The following PLCH1 variants were observed in gnomAD, a reference collection of about 807,000 sequenced individuals.
PLCH1 encodes 1-phosphatidylinositol 4,5-bisphosphate phosphodiesterase eta-1.
In PLCH1, 60 loss-of-function variants were observed where a neutral mutation model predicts 126.7. The ratio of observed to expected loss-of-function variants is 0.47; its 90% CI spans 0.38 to 0.59. PLCH1 has a LOEUF of 0.59. Ranked by LOEUF, PLCH1 falls within the 20% of genes least tolerant of loss-of-function variation. The probability of loss-of-function intolerance (pLI) is 0.00; values close to 1 mark genes in which losing one functional copy is unlikely to be tolerated. For missense variants in PLCH1, 1,723 were observed against 2,040.0 expected, an observed-to-expected ratio of 0.84 and a Z score of 2.99; for synonymous variants, 719 against 734.9, an observed-to-expected ratio of 0.98 and a Z score of 0.35.
At chr3:155,475,114 C>G (rs1713481585), downstream of PLCH1, among the ~76,000 whole-genome samples, 3 of 150,010 alleles carry the variant, frequency 2.0e-5, no homozygotes, top group Non-Finnish European at 4.4e-5. Context: ...TAATATCAAG[C>G]ATCTTCTCTG....
Position 155,740,346 on chromosome 3 carries a change from G to A in PLCH1, c.-41+4494C>T, listed in dbSNP as rs1054228367. ...GAATCACTTGAACCCAGGAGGTAGA[G>A]GTTGCAGTGAGCCAAGATCTACTGC... is the stretch of plus-strand genomic sequence containing the variant. On this transcript the variant is annotated intron_variant, in intron 1 of 22. Transcript: ENST00000460012. Among the ~76,000 whole-genome samples the A allele has an allele frequency of 3.6e-4, 54 of 150,826 alleles. 1 individual carries two copies. Among genetic ancestry groups the A allele is most frequent in the African/African-American group, 1.3e-3 (54 of 40,894 alleles).
intron 2 of PLCH1, among the ~76,000 whole-genome samples, chr3:155,604,916 C>T (rs569752654): frequency 1.1e-4 from 16 of 152,320 alleles, no homozygotes; most frequent in Non-Finnish European, 8.8e-5. Flanking sequence ...ATTAGTGTGA[C>T]AAGTCTTAGA....
intron 2 of PLCH1, among the ~76,000 whole-genome samples, chr3:155,643,597 C>T (rs1328104800): frequency 6.6e-6 from 1 of 152,164 alleles, no homozygotes; most frequent in Non-Finnish European, 1.5e-5. Flanking sequence ...GCCTTGATAT[C>T]GTAACATAGT....
chr3:155,569,181 C>A (rs1305050118), intron 6 of PLCH1, among the ~76,000 whole-genome samples: 3 of 152,058 alleles, frequency 2.0e-5, no homozygotes, highest in African/African-American at 7.2e-5. Context: ...AATTAAACAG[C>A]AACATTAAGA....
intron 2 of PLCH1, among the ~76,000 whole-genome samples, chr3:155,626,139 C>A (rs181166851): frequency 1.3e-5 from 2 of 152,118 alleles, no homozygotes; most frequent in African/African-American, 4.8e-5. Context: ...GAAAACCAAA[C>A]ACTGCATGTT....
chr3:155,588,915 A>G (rs1469425158), intron 4 of PLCH1, among the ~76,000 whole-genome samples: 2 of 152,114 alleles, frequency 1.3e-5, no homozygotes, highest in Admixed American at 1.3e-4. Flanking sequence ...AAATGAAAAA[A>G]CCATTCTTTC....
intron 2 of PLCH1, among the ~76,000 whole-genome samples, chr3:155,656,169 C>CG (rs1310598276): frequency 6.7e-6 from 1 of 149,944 alleles, no homozygotes; most frequent in Admixed American, 6.7e-5. Flanking sequence ...GAAAATTACC[C>CG]CCCCCCAAAT....
At chr3:155,540,028 TA>T (rs1724016401) in intron 10 of PLCH1, among the ~76,000 whole-genome samples, 2 of 5,076 alleles carry the variant, frequency 3.9e-4, no homozygotes, top group African/African-American at 7.9e-4. Context: ...ATGGTACTGG[TA>T]TATAAAAATA....
intron 21 of PLCH1, among the ~76,000 whole-genome samples, chr3:155,454,214 TGAGAA>T (rs541247561): frequency 2.6e-5 from 4 of 152,284 alleles, no homozygotes; most frequent in African/African-American, 9.6e-5. Context: ...CACCAGCTTT[TGAGAA>T]AAGAAAGGTT....
Position 155,488,194 on chromosome 3 carries a change from G to C in PLCH1, c.2540-87C>G, listed in dbSNP as rs1455223437. ...TGCAACAAAATTAAGTATCTGACTTGACTGTAGTTCTTTTTTTTTTTGAGA... is the reference window on the plus strand; with the variant it reads ...TGCAACAAAATTAAGTATCTGACTTCACTGTAGTTCTTTTTTTTTTTGAGA... On this transcript the variant is annotated intron_variant, in intron 20 of 22. Transcript: ENST00000460012. 5.5e-6 allele frequency: 4 copies of C among 731,306 alleles called. No individual in the cohort carries two copies. In the African/African-American group the frequency reaches 7.2e-5, roughly 13 times the overall value. 45.3% of individuals were successfully genotyped at this position (731,306 alleles called of 1,614,324 possible).
intron 14 of PLCH1, among the ~76,000 whole-genome samples, chr3:155,499,016 A>C (rs992801989): frequency 6.6e-6 from 1 of 152,248 alleles, no homozygotes; most frequent in African/African-American, 2.4e-5. Context: ...ATAGTAACTA[A>C]TTAGGAAGGG....
At chr3:155,512,145 TC>T (rs1719657197) in intron 12 of PLCH1, among the ~76,000 whole-genome samples, 1 of 151,412 alleles carries the variant, frequency 6.6e-6, no homozygotes, top group Admixed American at 6.6e-5. Flanking sequence ...TTTCTTTGAC[TC>T]GGAAAGGGAA....
chr3:155,471,445 C>T (rs1292640475), intron 21 of PLCH1, among the ~76,000 whole-genome samples: 1 of 149,026 alleles, frequency 6.7e-6, no homozygotes, highest in East Asian at 2.0e-4. Flanking sequence ...GAGTGACCTA[C>T]AAAGAGACTT....
Position 155,523,921 on chromosome 3 carries a change from G to T in PLCH1, c.1446C>A (p.Asp482Glu), listed in dbSNP as rs781232943. 1 of 1,600,558 alleles carries T rather than the reference G, an allele frequency of 6.2e-7. No homozygotes were observed. The highest frequency in any genetic ancestry group is 8.5e-7 in the Non-Finnish European group (1 of 1,172,062). Residue 482 changes from aspartate to glutamate, a missense_variant, in exon 11 of 23, where the codon GAC becomes GAA. Around this residue, in one of 2 missense-constraint regions of PLCH1, gnomAD observed 776 missense variants for 1,062.9 expected, o/e 0.73. Coordinates refer to ENST00000460012, the MANE Select transcript of PLCH1 (RefSeq NM_014996.4). ...CATAATGGAGCTTGAATTTGCACTC[G>T]TCTTCAATTTCATCTGCACTGTCCT... The part of the protein sequence containing the change: ...SDEDSADEIE[D>E]ECKFKLHYSN...
intron 2 of PLCH1, among the ~76,000 whole-genome samples, chr3:155,609,252 A>T (rs1734752108): frequency 2.0e-5 from 3 of 152,186 alleles, no homozygotes; most frequent in African/African-American, 7.2e-5. Context: ...ACCAGCCCAG[A>T]GCCTGATGCC....
At chr3:155,711,049 C>T (rs1408015060) in intron 1 of PLCH1, among the ~76,000 whole-genome samples, 1 of 150,422 alleles carries the variant, frequency 6.6e-6, no homozygotes, top group African/African-American at 2.4e-5. Flanking sequence ...ATGTTGCAAC[C>T]CTCTAGGTAT....
chr3:155,471,188 C>T (rs558132649), intron 21 of PLCH1, among the ~76,000 whole-genome samples: 12 of 152,262 alleles, frequency 7.9e-5, no homozygotes, highest in Admixed American at 2.0e-4. Flanking sequence ...ACCCATCTCA[C>T]GTGCAGACAC....
At chr3:155,672,531 A>T (rs1044960823) in intron 2 of PLCH1, among the ~76,000 whole-genome samples, 1 of 152,206 alleles carries the variant, frequency 6.6e-6, no homozygotes, top group South Asian at 2.1e-4. Context: ...ATATGACAAC[A>T]TTCAAACCAA....
chr3:155,532,303 C>G (rs566279506), intron 10 of PLCH1, among the ~76,000 whole-genome samples: 6 of 152,280 alleles, frequency 3.9e-5, no homozygotes, highest in African/African-American at 1.4e-4. Flanking sequence ...TTCACAGACC[C>G]TTTGAAGGAA....
Sources: allele counts gnomAD v4.1 joint callset (sites outside exome capture counted in the v4.1 genomes callset), GRCh38; gene constraint gnomAD v4.1.1; regional missense constraint gnomAD v4.1.1; transcripts MANE v1.5; gene names NCBI Gene and HGNC (gene_info 2026-07-23, HGNC 2026-07-21).